Variants in TAFA4 observed in about 807,000 individuals in gnomAD.
TAFA4 encodes the protein TAFA chemokine like family member 4, also known as chemokine-like protein TAFA-4.
Under a neutral mutation model 21.1 loss-of-function variants are expected in TAFA4, and 20 were observed. That is an observed-to-expected ratio of 0.95 (90% CI 0.67 to 1.38). TAFA4 has a LOEUF of 1.38. Among genes scored for constraint, TAFA4 ranks in the 40% most tolerant of loss-of-function variants. TAFA4 has a pLI of 0.00. For missense variants in TAFA4, 211 were observed against 180.9 expected (o/e 1.17, Z -0.95); for synonymous variants, 71 against 67.4 (o/e 1.05, Z -0.26).
intron 3 of TAFA4, among the ~76,000 whole-genome samples, chr3:68,809,151 T>C (rs556543940): frequency 6.6e-6 from 1 of 152,354 alleles, no homozygotes; most frequent in East Asian, 1.9e-4. Context: ...AATGCCCTTT[T>C]ACCCTAGAAC....
intron 3 of TAFA4, among the ~76,000 whole-genome samples, chr3:68,774,812 G>A (rs540306070): frequency 6.6e-6 from 1 of 152,050 alleles, no homozygotes; most frequent in South Asian, 2.1e-4. Flanking sequence ...TGAAATCAGA[G>A]GCATAGGGGA....
At chr3:68,827,838 TC>T (rs1364812801) in intron 3 of TAFA4, among the ~76,000 whole-genome samples, 1 of 152,246 alleles carries the variant, frequency 6.6e-6, no homozygotes, top group Non-Finnish European at 1.5e-5. Context: ...GGTTGCCTGT[TC>T]ACTCTGATGA....
At chr3:68,745,811 G>A (rs1455709977) in intron 4 of TAFA4, among the ~76,000 whole-genome samples, 1 of 152,074 alleles carries the variant, frequency 6.6e-6, no homozygotes. Flanking sequence ...TTCATGAGTT[G>A]GATTCTTACT....
rs116126940 is a variant in TAFA4 at position 68,871,819 on chromosome 3, A to C, written c.130+8911T>G. Among the ~76,000 whole-genome samples the C allele has an allele frequency of 9.9e-3, 1,503 of 152,232 alleles. 30 individuals carry two copies. The highest frequency in any genetic ancestry group is 0.035 in the African/African-American group (1,445 of 41,536). On this transcript the variant is annotated intron_variant, in intron 3 of 5. Transcript: ENST00000295569. ...GAAAAAATGCTCAGCATCACTAATCAACAGGGAAATGCAAGTCAAAACCAC... is the reference window on the plus strand; with the variant it reads ...GAAAAAATGCTCAGCATCACTAATCCACAGGGAAATGCAAGTCAAAACCAC...
intron 3 of TAFA4, among the ~76,000 whole-genome samples, chr3:68,829,037 G>C (rs1291279190): frequency 6.6e-6 from 1 of 151,790 alleles, no homozygotes; most frequent in Non-Finnish European, 1.5e-5. Context: ...TCACAGAATT[G>C]GAAAAAACTA....
intron 3 of TAFA4, among the ~76,000 whole-genome samples, chr3:68,838,281 T>C (rs1363393562): frequency 6.6e-6 from 1 of 152,192 alleles, no homozygotes; most frequent in African/African-American, 2.4e-5. Flanking sequence ...CATGGCTAGA[T>C]GTTAATTAAG....
At chr3:68,925,020 A>G (rs1207150526) in intron 1 of TAFA4, among the ~76,000 whole-genome samples, 1 of 152,176 alleles carries the variant, frequency 6.6e-6, no homozygotes, top group Non-Finnish European at 1.5e-5. Context: ...GATTGGTACC[A>G]AGGGGCAGAC....
chr3:68,766,869 T>G (rs1702863805), intron 3 of TAFA4, among the ~76,000 whole-genome samples: 1 of 152,064 alleles, frequency 6.6e-6, no homozygotes, highest in Non-Finnish European at 1.5e-5. Flanking sequence ...GAAACAAATA[T>G]TAACATGTGG....
chr3:68,868,936 T>C (rs2106933832), intron 3 of TAFA4, among the ~76,000 whole-genome samples: 1 of 151,894 alleles, frequency 6.6e-6, no homozygotes, highest in Non-Finnish European at 1.5e-5. Flanking sequence ...TAACAAAAAG[T>C]TGTTTTTTTG....
At chr3:68,857,762 G>C (rs1314814936) in intron 3 of TAFA4, among the ~76,000 whole-genome samples, 1 of 150,086 alleles carries the variant, frequency 6.7e-6, no homozygotes. Context: ...GATTTCACTG[G>C]ACATGGCTTT....
chr3:68,869,160 A>G (rs1042534099), intron 3 of TAFA4, among the ~76,000 whole-genome samples: 1 of 152,072 alleles, frequency 6.6e-6, no homozygotes, highest in Non-Finnish European at 1.5e-5. Context: ...TTAAACCAGG[A>G]AGAAATAGAA....
chr3:68,783,671 C>CAGAGAGAGAGAGAGAG (rs796524736), intron 3 of TAFA4, among the ~76,000 whole-genome samples: 32 of 96,286 alleles, frequency 3.3e-4, no homozygotes, highest in African/African-American at 6.6e-4. Flanking sequence ...GACACACACA[C>CAGAGAGAGAGAGAGAG]ACAGAGAGAG....
In TAFA4 at chr3:68,732,813, A is replaced by G. The variant is rs1702172432; in HGVS notation, c.*329T>C. On this transcript the variant is annotated 3_prime_UTR_variant, in exon 6 of 6. Coordinates refer to ENST00000295569, the MANE Select transcript of TAFA4 (RefSeq NM_182522.5). ...CATCCAAGTTCTTTTGTAAAAGCAG[A>G]AAGAAAGTGAAGAATGAACATGCCC... 7 of 302,018 alleles carry G rather than the reference A, an allele frequency of 2.3e-5. No homozygotes were observed. The East Asian group carries it at 3.9e-4, about 17-fold the overall frequency. 18.7% of individuals were successfully genotyped at this position (302,018 alleles called of 1,614,324 possible).
At chr3:68,925,135 T>C (rs2090095445) in intron 1 of TAFA4, among the ~76,000 whole-genome samples, 1 of 152,242 alleles carries the variant, frequency 6.6e-6, no homozygotes, top group African/African-American at 2.4e-5. Context: ...GTGAGGTTTT[T>C]ATCCTGGGAG....
chr3:68,923,858 G>A (rs2090082033), intron 1 of TAFA4, among the ~76,000 whole-genome samples: 1 of 152,148 alleles, frequency 6.6e-6, no homozygotes, highest in Admixed American at 6.5e-5. Context: ...TAAGAGTTGT[G>A]TCTCTGGACC....
At position 68,854,664 on chromosome 3, in the gene TAFA4, T is replaced by A. The variant is rs541946003; in HGVS notation, c.130+26066A>T. Among the ~76,000 whole-genome samples, 132 of 120,736 alleles carry A rather than the reference T, an allele frequency of 1.1e-3. 3 individuals carry two copies. The highest frequency in any genetic ancestry group is 9.5e-3 in the Admixed American group (115 of 12,112). The allele number at this position is 120,736 out of a possible 152,430, so 79.2% of individuals were successfully genotyped here. A position where few individuals can be genotyped will look rare whatever the true frequency, so the allele number is the denominator to read the frequency against. On this transcript the variant is annotated intron_variant, in intron 3 of 5. Coordinates refer to ENST00000295569, the MANE Select transcript of TAFA4 (RefSeq NM_182522.5). ...ATTTGACTTGGTTTTGTTTTTGTTA[T>A]TTTTTTTTTTTTAATCACCAAGCAC...
chr3:68,867,086 TC>T (rs1488071119), intron 3 of TAFA4, among the ~76,000 whole-genome samples: 1 of 151,686 alleles, frequency 6.6e-6, no homozygotes, highest in African/African-American at 2.4e-5. Flanking sequence ...ATGTCAGAGA[TC>T]ACCAAATATA....
At chr3:68,823,385 C>A (rs1704155072) in intron 3 of TAFA4, among the ~76,000 whole-genome samples, 1 of 152,148 alleles carries the variant, frequency 6.6e-6, no homozygotes, top group Non-Finnish European at 1.5e-5. Flanking sequence ...GTTGAAGTGT[C>A]ATTGAATGCT....
At chr3:68,846,652 G>A (rs1704806825) in intron 3 of TAFA4, among the ~76,000 whole-genome samples, 1 of 152,120 alleles carries the variant, frequency 6.6e-6, no homozygotes, top group Non-Finnish European at 1.5e-5. Context: ...TCATCTTCGT[G>A]GATTTATCTA....
Sources: allele counts gnomAD v4.1 joint callset (sites outside exome capture counted in the v4.1 genomes callset), GRCh38; gene constraint gnomAD v4.1.1; transcripts MANE v1.5; gene names NCBI Gene and HGNC (gene_info 2026-07-23, HGNC 2026-07-21).